The following SH3RF1 variants were observed in gnomAD, a reference collection of about 807,000 sequenced individuals.
SH3RF1 encodes the protein E3 ubiquitin-protein ligase SH3RF1.
In SH3RF1, 32 loss-of-function variants were observed where a neutral mutation model predicts 74.0. That is an observed-to-expected ratio of 0.43 (90% confidence interval 0.33 to 0.58). The LOEUF (loss-of-function observed/expected upper bound fraction) is 0.58, where lower values mean the gene tolerates loss of function less well. Among genes scored for constraint, SH3RF1 ranks in the 20% least tolerant of loss-of-function variants. The pLI is 0.05. For synonymous variants in SH3RF1, 396 were observed against 439.6 expected, an observed-to-expected ratio of 0.90 and a Z score of 1.24; for missense variants, 954 against 1,130.9, an observed-to-expected ratio of 0.84 and a Z score of 2.24.
chr4:169,139,266 T>C (rs1398187125), intron 4 of SH3RF1, among the ~76,000 whole-genome samples: 1 of 152,172 alleles, frequency 6.6e-6, no homozygotes, highest in African/African-American at 2.4e-5. Context: ...ATGTGCTGAA[T>C]AATGTGCTTG....
chr4:169,136,681 G>T, intron 4 of SH3RF1, 61 bp from the exon 5 acceptor site: 1 of 1,437,496 alleles, frequency 7.0e-7, no homozygotes. Context: ...AATTCCCTGA[G>T]GTTTATTTCC....
intron 2 of SH3RF1, among the ~76,000 whole-genome samples, chr4:169,182,394 A>G (rs775357449): frequency 4.6e-5 from 7 of 152,240 alleles, no homozygotes; most frequent in Non-Finnish European, 5.9e-5. Flanking sequence ...GTTTCAGCAC[A>G]TATATAATTA....
intron 2 of SH3RF1, among the ~76,000 whole-genome samples, chr4:169,164,128 T>G (rs1025191668): frequency 6.6e-6 from 1 of 152,312 alleles, no homozygotes; most frequent in African/African-American, 2.4e-5. Flanking sequence ...AATACTGTTA[T>G]CATGGCCCTT....
chr4:169,202,692 T>C (rs535707252), intron 2 of SH3RF1, among the ~76,000 whole-genome samples: 1 of 152,128 alleles, frequency 6.6e-6, no homozygotes, highest in Non-Finnish European at 1.5e-5. Context: ...AACACAATAA[T>C]TTTACCTAGC....
chr4:169,134,548 C>T (rs1733665915), intron 5 of SH3RF1, among the ~76,000 whole-genome samples: 1 of 152,058 alleles, frequency 6.6e-6, no homozygotes, highest in African/African-American at 2.4e-5. Flanking sequence ...TTGCTAGGTC[C>T]CAAGATAAAA....
chr4:169,215,842 C>T (rs2706748), intron 2 of SH3RF1, among the ~76,000 whole-genome samples: 72,936 of 151,438 alleles, frequency 0.48, 18,534 homozygotes, highest in East Asian at 0.78. Flanking sequence ...CTCACTTCAT[C>T]GCACAGGCTG....
chr4:169,136,936 GCTCA>G (rs780753241), intron 4 of SH3RF1, among the ~76,000 whole-genome samples: 1 of 152,148 alleles, frequency 6.6e-6, no homozygotes, highest in Admixed American at 6.5e-5. Flanking sequence ...ATTTATTTCA[GCTCA>G]CTGTGAAATT....
intron 2 of SH3RF1, among the ~76,000 whole-genome samples, chr4:169,173,606 G>A (rs920599649): frequency 1.8e-4 from 28 of 152,116 alleles, no homozygotes; most frequent in Middle Eastern, 3.2e-3. Flanking sequence ...ATCCTGAGGC[G>A]CTGTAGATCC....
At chr4:169,101,036 A>G (rs1733018962) in intron 11 of SH3RF1, among the ~76,000 whole-genome samples, 1 of 152,216 alleles carries the variant, frequency 6.6e-6, no homozygotes, top group Non-Finnish European at 1.5e-5. Context: ...TAAATCGCAG[A>G]GGCCTCCATG....
intron 4 of SH3RF1, among the ~76,000 whole-genome samples, chr4:169,143,095 G>T (rs1733812858): frequency 6.6e-6 from 1 of 152,148 alleles, no homozygotes; most frequent in South Asian, 2.1e-4. Flanking sequence ...TTTGTTGAAT[G>T]AATAAAAATG....
At chr4:169,117,412 T>C in intron 9 of SH3RF1, 111 bp downstream of exon 9, 1 of 1,490,670 alleles carries the variant, frequency 6.7e-7, no homozygotes, top group African/African-American at 1.4e-5. Flanking sequence ...TTGCCTAATG[T>C]TGTTCATTAT....
chr4:169,183,326 G>A (rs1239817188), intron 2 of SH3RF1, among the ~76,000 whole-genome samples: 2 of 152,154 alleles, frequency 1.3e-5, no homozygotes, highest in Non-Finnish European at 2.9e-5. Context: ...TTGTCCCCAG[G>A]CTGGAGTTCA....
At chr4:169,228,291 T>C (rs1335189731) in intron 2 of SH3RF1, among the ~76,000 whole-genome samples, 2 of 152,200 alleles carry the variant, frequency 1.3e-5, no homozygotes, top group African/African-American at 4.8e-5. Context: ...ACAAACTTCA[T>C]GGCTTAAGAT....
intron 2 of SH3RF1, among the ~76,000 whole-genome samples, chr4:169,185,610 G>C (rs1734587524): frequency 6.6e-6 from 1 of 152,122 alleles, no homozygotes; most frequent in Non-Finnish European, 1.5e-5. Flanking sequence ...CCGAGAAAGT[G>C]GGTGTAGTTT....
At chr4:169,259,157 G>A (rs1275461981) in intron 2 of SH3RF1, among the ~76,000 whole-genome samples, 1 of 152,086 alleles carries the variant, frequency 6.6e-6, no homozygotes, top group Non-Finnish European at 1.5e-5. Context: ...GAATTGATAA[G>A]CAGTTTTTTC....
rs908198431 is a variant in SH3RF1, at chr4:169,213,303, C to T, written c.393+55517G>A. Among the ~76,000 whole-genome samples, 13 of 152,286 alleles carry T rather than the reference C, an allele frequency of 8.5e-5. No homozygotes were observed. In the East Asian group the frequency reaches 2.3e-3, roughly 27 times the overall value. On this transcript the variant is annotated intron_variant, in intron 2 of 11. Coordinates refer to ENST00000284637, the MANE Select transcript of SH3RF1 (RefSeq NM_020870.4). ...TGTGTGTGAAGCATCTTTTCATATG[C>T]CATATGTATATCTACTTTGGTGAAG...
intron 2 of SH3RF1, among the ~76,000 whole-genome samples, chr4:169,233,107 G>C (rs1446346478): frequency 1.3e-5 from 2 of 152,030 alleles, no homozygotes; most frequent in Non-Finnish European, 2.9e-5. Flanking sequence ...AAATCAGCCA[G>C]GCGTGGTGGC....
At chr4:169,120,142 G>C (rs906396386) in intron 8 of SH3RF1, among the ~76,000 whole-genome samples, 1 of 152,116 alleles carries the variant, frequency 6.6e-6, no homozygotes, top group Non-Finnish European at 1.5e-5. Flanking sequence ...ACCTCTAGTC[G>C]TGACAATCAA....
chr4:169,237,517 G>A (rs955171913), intron 2 of SH3RF1, among the ~76,000 whole-genome samples: 3 of 152,134 alleles, frequency 2.0e-5, no homozygotes, highest in Non-Finnish European at 2.9e-5. Flanking sequence ...TTCAAGAGGG[G>A]AAATGGTTAT....
Sources: gnomAD v4.1 joint callset for allele counts (sites outside exome capture counted in the v4.1 genomes callset) on GRCh38, gnomAD v4.1.1 for gene constraint, MANE v1.5 for transcripts, NCBI Gene and HGNC (gene_info 2026-07-23, HGNC 2026-07-21) for gene names.